Variants in SENP5 observed in about 807,000 individuals in gnomAD.
The protein encoded by SENP5 is SUMO specific peptidase 5, also known as sentrin-specific protease 5.
SENP5 carries 21 observed loss-of-function variants against 74.2 expected under a neutral mutation model. The observed-to-expected ratio is 0.28, with a 90% CI of 0.20 to 0.41. SENP5 has a LOEUF of 0.41. Among genes scored for constraint, SENP5 ranks in the 10% least tolerant of loss-of-function variants. The pLI is 1.00. For missense variants in SENP5, 717 were observed against 889.1 expected (o/e 0.81, Z 2.46); for synonymous variants, 311 against 312.7 (o/e 0.99, Z 0.06).
Position 196,873,799 on chromosome 3 carries a change from C to T in SENP5, c.-32+5726C>T, listed in dbSNP as rs191382442. Among the ~76,000 whole-genome samples, 24 of 152,214 alleles carry T rather than the reference C, an allele frequency of 1.6e-4. No individual in the cohort carries two copies. In the East Asian group the frequency reaches 4.7e-3, roughly 30 times the overall value. On this transcript the variant is annotated intron_variant, in intron 1 of 9. Transcript: ENST00000323460. ...GCTTGCAGTGAGCTGAGATGTGCCACTGCACTATAGCCTGGGTGACATAGT... is the reference window on the plus strand; with the variant it reads ...GCTTGCAGTGAGCTGAGATGTGCCATTGCACTATAGCCTGGGTGACATAGT...
chr3:196,918,010 AAGAT>A (rs1184232812), intron 6 of SENP5, among the ~76,000 whole-genome samples: 1 of 152,158 alleles, frequency 6.6e-6, no homozygotes, highest in Non-Finnish European at 1.5e-5. Context: ...ATAATATAAA[AAGAT>A]AAATAGAAAC....
chr3:196,912,122 T>C (rs757305633), intron 6 of SENP5, among the ~76,000 whole-genome samples: 7 of 152,186 alleles, frequency 4.6e-5, no homozygotes, highest in Non-Finnish European at 1.0e-4. Flanking sequence ...TAGAGACATA[T>C]GCGTGTGTAT....
At chr3:196,902,302 T>C (rs1406823852) in intron 5 of SENP5, among the ~76,000 whole-genome samples, 2 of 152,200 alleles carry the variant, frequency 1.3e-5, no homozygotes, top group Non-Finnish European at 2.9e-5. Context: ...TTTATTTTTA[T>C]TTTTGGTAGA....
chr3:196,893,909 C>CAAA (rs35131152), intron 2 of SENP5, among the ~76,000 whole-genome samples: 37 of 119,894 alleles, frequency 3.1e-4, no homozygotes, highest in Non-Finnish European at 5.9e-4. Flanking sequence ...GACTCTGTCT[C>CAAA]AAAAAAAAAA....
intron 1 of SENP5, among the ~76,000 whole-genome samples, 159 bp from the exon 2 acceptor site, chr3:196,884,992 G>T (rs1275485066): frequency 6.6e-6 from 1 of 152,132 alleles, no homozygotes; most frequent in Non-Finnish European, 1.5e-5. Flanking sequence ...TTTTCATTGT[G>T]ATGAAAACCT....
intron 1 of SENP5, among the ~76,000 whole-genome samples, chr3:196,868,693 C>T (rs1481617042): frequency 6.6e-6 from 1 of 152,198 alleles, no homozygotes; most frequent in Non-Finnish European, 1.5e-5. Context: ...TAGTGTTTTT[C>T]ATCTCATGCT....
At position 196,930,908 on chromosome 3, in the gene SENP5, C is replaced by T. The variant is rs1294372804; in HGVS notation, c.2253C>T (p.Cys751=). ...GGATTTACAAGGAGCTATGTGAGTG[C>T]CGGCTCATGGACTGAAACTCAGCAG... ...RKRIYKELCE[C]RLMD The change falls in exon 10 of 10, where the codon TGC becomes TGT. Residue 751 remains cysteine (C), a synonymous_variant. Coordinates refer to ENST00000323460, the MANE Select transcript of SENP5 (RefSeq NM_152699.5). 6.2e-7 allele frequency: 1 copy of T among 1,611,316 alleles called. No individual in the cohort carries two copies. The highest frequency in any genetic ancestry group is 8.5e-7 in the Non-Finnish European group (1 of 1,177,440).
At position 196,886,143 on chromosome 3, in the gene SENP5, C is replaced by T. The variant is rs367604976; in HGVS notation, c.962C>T (p.Ser321Phe). Residue 321 changes from serine to phenylalanine, a missense_variant, in exon 2 of 10, where the codon TCT (serine) becomes TTT (phenylalanine). This residue lies in a region of SENP5 where 567 missense variants were observed against 577.4 expected (regional missense o/e 0.98). Coordinates refer to ENST00000323460, the MANE Select transcript of SENP5 (RefSeq NM_152699.5). ...DSSAVVKGTN[S>F]HVPDCHTKGS... ...AGTGCTGTGGTGAAGGGGACGAACT[C>T]TCATGTGCCTGATTGCCACACTAAA... is the stretch of plus-strand genomic sequence containing the variant. 5.5e-5 allele frequency: 89 copies of T among 1,614,076 alleles called. No individual in the cohort carries two copies. Among genetic ancestry groups the T allele is most frequent in the Non-Finnish European group, 7.5e-5 (88 of 1,180,036 alleles).
rs148156682 is a variant in SENP5 at position 196,934,566 on chromosome 3, C to CA, written c.*3647dup. On this transcript the variant is annotated 3_prime_UTR_variant, in exon 10 of 10. Transcript: ENST00000323460. ...AAGTGCTAATTGTATTTGGGTGTTA[C>CA]AAAAGCAGACCTAGACGAGCTGTTC... The CA allele has an allele frequency of 3.7e-3, 558 of 152,314 alleles. 9 individuals carry two copies. Among genetic ancestry groups the CA allele is most frequent in the African/African-American group, 0.013 (542 of 41,554 alleles). The allele number at this position is 152,314 out of a possible 1,614,324, so 9.4% of individuals were successfully genotyped here. A position where few individuals can be genotyped will look rare whatever the true frequency, so the allele number is the denominator to read the frequency against.
chr3:196,896,240 A>T (rs750667605), intron 2 of SENP5, among the ~76,000 whole-genome samples: 7 of 152,242 alleles, frequency 4.6e-5, no homozygotes, highest in Non-Finnish European at 8.8e-5. Context: ...GCCCACAGAT[A>T]TTAAAAAGGA....
rs1341136655 is a variant in SENP5 at position 196,931,041 on chromosome 3, A to G, written c.*118A>G. 7 of 662,578 alleles carry G rather than the reference A, an allele frequency of 1.1e-5. No homozygotes were observed. Among genetic ancestry groups the G allele is most frequent in the Admixed American group, 2.6e-5 (1 of 38,088 alleles). 41.0% of individuals were successfully genotyped at this position (662,578 alleles called of 1,614,324 possible). A position where few individuals can be genotyped will look rare whatever the true frequency, so the allele number is the denominator to read the frequency against. ...TTCAGATCAGTGGTGTTGGGCCACT[A>G]TTGTTACCTCAAATTTATTTTTTGC... On this transcript the variant is annotated 3_prime_UTR_variant, in exon 10 of 10. Coordinates refer to ENST00000323460, the MANE Select transcript of SENP5 (RefSeq NM_152699.5).
chr3:196,875,147 T>G (rs947344808), intron 1 of SENP5, among the ~76,000 whole-genome samples: 3 of 152,212 alleles, frequency 2.0e-5, no homozygotes, highest in Admixed American at 1.3e-4. Context: ...CTAATCGATC[T>G]CCGTCTGTGT....
At chr3:196,887,397 C>T (rs1714019496) in intron 2 of SENP5, among the ~76,000 whole-genome samples, 1 of 151,998 alleles carries the variant, frequency 6.6e-6, no homozygotes, top group Non-Finnish European at 1.5e-5. Flanking sequence ...CCAGGCTGGT[C>T]TCGACCTCCT....
intron 2 of SENP5, among the ~76,000 whole-genome samples, chr3:196,890,005 C>T (rs776981258): frequency 1.3e-5 from 2 of 152,202 alleles, no homozygotes; most frequent in African/African-American, 4.8e-5. Context: ...CACCCACACA[C>T]GTACACCTTG....
At chr3:196,880,463 T>A (rs1713674048) in intron 1 of SENP5, among the ~76,000 whole-genome samples, 1 of 152,144 alleles carries the variant, frequency 6.6e-6, no homozygotes, top group African/African-American at 2.4e-5. Flanking sequence ...TCTGCACACC[T>A]TATTCCAATT....
At chr3:196,911,107 G>C (rs4916583) in intron 6 of SENP5, among the ~76,000 whole-genome samples, 33,968 of 151,990 alleles carry the variant, frequency 0.22, 3,934 homozygotes, top group African/African-American at 0.28. Flanking sequence ...ACACAAAATC[G>C]TAAAAACCCT....
chr3:196,932,773 C>A lies in SENP5; in HGVS notation c.*1850C>A, dbSNP rs1487659934. On this transcript the variant is annotated 3_prime_UTR_variant, in exon 10 of 10. Coordinates refer to ENST00000323460, the MANE Select transcript of SENP5 (RefSeq NM_152699.5). ...TTTTTTTTTGTGGGGGTGTGGTATACCAAAGTAGCCAGTCACTGGGCTGTC... is the reference window on the plus strand; with the variant it reads ...TTTTTTTTTGTGGGGGTGTGGTATAACAAAGTAGCCAGTCACTGGGCTGTC... 9.0e-6 allele frequency: 1 copy of A among 110,796 alleles called. No homozygotes were observed. The highest frequency in any genetic ancestry group is 3.1e-4 in the South Asian group (1 of 3,248). The allele number at this position is 110,796 out of a possible 1,614,324, so 6.9% of individuals were successfully genotyped here.
At chr3:196,888,542 C>T (rs1049739603) in intron 2 of SENP5, among the ~76,000 whole-genome samples, 3 of 151,684 alleles carry the variant, frequency 2.0e-5, no homozygotes, top group African/African-American at 4.8e-5. Flanking sequence ...TTAGGTTATG[C>T]CACCGTGCTC....
At position 196,934,479 on chromosome 3, in the gene SENP5, C is replaced by T. The variant is rs1050538032; in HGVS notation, c.*3556C>T. The T allele has an allele frequency of 1.3e-5, 2 of 152,212 alleles. No homozygotes were observed. The highest frequency in any genetic ancestry group is 2.9e-5 in the Non-Finnish European group (2 of 68,048). 9.4% of individuals were successfully genotyped at this position (152,212 alleles called of 1,614,324 possible). A position where few individuals can be genotyped will look rare whatever the true frequency, so the allele number is the denominator to read the frequency against. Reference sequence around the variant, plus strand: ...CAGTTACAAAGCACATACTTTGTTACGTGCTAGGCTTTGCCTCCTGGCCTC... The same window carrying T: ...CAGTTACAAAGCACATACTTTGTTATGTGCTAGGCTTTGCCTCCTGGCCTC... On this transcript the variant is annotated 3_prime_UTR_variant, in exon 10 of 10. Coordinates refer to ENST00000323460, the MANE Select transcript of SENP5 (RefSeq NM_152699.5).
Sources: allele counts gnomAD v4.1 joint callset (sites outside exome capture counted in the v4.1 genomes callset), GRCh38; gene constraint gnomAD v4.1.1; regional missense constraint gnomAD v4.1.1; transcripts MANE v1.5; gene names NCBI Gene and HGNC (gene_info 2026-07-23, HGNC 2026-07-21).